The following VCPKMT variants were observed in gnomAD, a reference collection of about 807,000 sequenced individuals.
VCPKMT encodes the protein valosin containing protein lysine methyltransferase.
VCPKMT carries 32 observed loss-of-function variants against 28.6 expected under a neutral mutation model. The ratio of observed to expected loss-of-function variants is 1.12; its 90% CI spans 0.84 to 1.50. The LOEUF (loss-of-function observed/expected upper bound fraction) is 1.50, where lower values mean the gene tolerates loss of function less well. Among genes scored for constraint, VCPKMT ranks in the 40% most tolerant of loss-of-function variants. VCPKMT has a pLI of 0.00. For missense variants in VCPKMT, 366 were observed against 285.0 expected, an observed-to-expected ratio of 1.28 and a Z score of -2.05; for synonymous variants, 138 against 111.4, an observed-to-expected ratio of 1.24 and a Z score of -1.50.
chr14:50,106,512 T>C, downstream of VCPKMT: 1 of 978,402 alleles, frequency 1.0e-6, no homozygotes, highest in Non-Finnish European at 1.2e-6. Context: ...CTTCTAACCC[T>C]CAATTCATGC....
downstream of VCPKMT, among the ~76,000 whole-genome samples, chr14:50,104,273 AG>A (rs1882250773): frequency 6.6e-6 from 1 of 152,230 alleles, no homozygotes; most frequent in Admixed American, 6.5e-5. Flanking sequence ...CACAGTTGAT[AG>A]GGACTCACTA....
At chr14:50,111,592 G>C (rs769936927) in intron 5 of VCPKMT, 11 of 985,350 alleles carry the variant, frequency 1.1e-5, no homozygotes, top group Non-Finnish European at 1.3e-5. Context: ...AAAAATAGAT[G>C]AAAGGCCAGG....
chr14:50,106,373 G>A (rs139517189), downstream of VCPKMT, among the ~76,000 whole-genome samples: 2 of 152,346 alleles, frequency 1.3e-5, no homozygotes, highest in East Asian at 3.9e-4. Context: ...CACAGGCCAA[G>A]GCATTGGCAG....
chr14:50,106,524 T>C, downstream of VCPKMT: 5 of 983,636 alleles, frequency 5.1e-6, no homozygotes, highest in Non-Finnish European at 6.0e-6. Flanking sequence ...AATTCATGCA[T>C]CATTTCTCAG....
chr14:50,114,396 C>T lies in VCPKMT; in HGVS notation c.459G>A (p.Glu153=). ...TATCTTTTAGAGTTTTCAGCAATGG[C>T]TCCAAAGACTATTTAAAAAAGAATA... The part of the protein sequence containing the change: ...ADCIYYEESL[E]PLLKTLKDIS... Residue 153 remains glutamate, a synonymous_variant, in exon 4 of 6, where the codon GAG becomes GAA. Transcript: ENST00000395860. 1 of 1,527,174 alleles carries T rather than the reference C, an allele frequency of 6.5e-7. No individual in the cohort carries two copies. The highest frequency in any genetic ancestry group is 8.8e-7 in the Non-Finnish European group (1 of 1,141,550). The allele number at this position is 1,527,174 out of a possible 1,614,324, so 94.6% of individuals were successfully genotyped here.
At position 50,109,647 on chromosome 14, in the gene VCPKMT, C is replaced by T; in HGVS notation, c.*52G>A. 6.3e-7 allele frequency: 1 copy of T among 1,578,808 alleles called. No individual in the cohort carries two copies. The highest frequency in any genetic ancestry group is 8.6e-7 in the Non-Finnish European group (1 of 1,165,164). ...ATGCTGTATTCACATGCTCTATTCA[C>T]ATCTTTAGTTTACCCAGGTTGTTAG... On this transcript the variant is annotated 3_prime_UTR_variant, in exon 6 of 6. Transcript: ENST00000395860.
Position 50,112,737 on chromosome 14 carries a change from A to T in VCPKMT, c.571-18T>A. 1 of 1,503,336 alleles carries T rather than the reference A, an allele frequency of 6.7e-7. No homozygotes were observed. Among genetic ancestry groups the T allele is most frequent in the Non-Finnish European group, 9.0e-7 (1 of 1,105,474 alleles). 93.1% of individuals were successfully genotyped at this position (1,503,336 alleles called of 1,614,324 possible). A position where few individuals can be genotyped will look rare whatever the true frequency, so the allele number is the denominator to read the frequency against. ...TGAAGGAGCTATAAATTTAAAAGAGACATACTTCAAATTCAATAATATGAA... is the reference window on the plus strand; with the variant it reads ...TGAAGGAGCTATAAATTTAAAAGAGTCATACTTCAAATTCAATAATATGAA... On this transcript the variant is annotated intron_variant, in intron 4 of 5. Transcript: ENST00000395860.
At chr14:50,111,342 A>T (rs1204420029) in intron 5 of VCPKMT, 4 of 985,260 alleles carry the variant, frequency 4.1e-6, no homozygotes, top group Non-Finnish European at 4.8e-6. Context: ...CATAAATGTT[A>T]ATCTGAATAA....
intron 4 of VCPKMT, among the ~76,000 whole-genome samples, chr14:50,113,794 C>CA (rs1356359583): frequency 1.2e-4 from 1 of 8,342 alleles, no homozygotes; most frequent in East Asian, 5.0e-3. Flanking sequence ...TACTTGGGGG[C>CA]GGGGGGGGGG....
In VCPKMT at chr14:50,116,172, C is replaced by T. The variant is rs1883184180; in HGVS notation, c.274G>A (p.Val92Ile). The change falls in exon 2 of 6, where the codon GTT (valine) becomes ATT (isoleucine). Residue 92 changes from valine to isoleucine, a missense_variant. Transcript: ENST00000395860. Reference sequence around the variant, plus strand: ...AATTCCTCAAGATCGGTGACTACAACATCAGCCCTATAAAATAACGTCGAC... The same window carrying T: ...AATTCCTCAAGATCGGTGACTACAATATCAGCCCTATAAAATAACGTCGAC... ...GLMAATLGAD[V>I]VVTDLEELQD... 2.5e-6 allele frequency: 4 copies of T among 1,613,968 alleles called. No individual in the cohort carries two copies. Among genetic ancestry groups the T allele is most frequent in the South Asian group, 1.1e-5 (1 of 91,082 alleles).
intron 5 of VCPKMT, among the ~76,000 whole-genome samples, chr14:50,110,520 A>T (rs1435325545): frequency 6.6e-6 from 1 of 152,160 alleles, no homozygotes; most frequent in Non-Finnish European, 1.5e-5. Context: ...ACTATCTCAT[A>T]CCCAGTGAGA....
At chr14:50,111,824 G>T in intron 5 of VCPKMT, 1 of 837,608 alleles carries the variant, frequency 1.2e-6, no homozygotes, top group Non-Finnish European at 1.4e-6. Context: ...GCAAGGCAGA[G>T]GCTGCAGCAA....
intron 5 of VCPKMT, chr14:50,111,643 C>G: frequency 1.0e-6 from 1 of 983,462 alleles, no homozygotes; most frequent in Non-Finnish European, 1.2e-6. Context: ...TTTGGGAGGC[C>G]GAGGTGGGCA....
chr14:50,115,571 T>A (rs1442556129), intron 3 of VCPKMT, among the ~76,000 whole-genome samples: 2 of 152,214 alleles, frequency 1.3e-5, no homozygotes, highest in Non-Finnish European at 2.9e-5. Context: ...TTTCATAACA[T>A]CCAATTGGCA....
Position 50,116,086 on chromosome 14 carries a change from T to C in VCPKMT, c.360A>G (p.Gln120=), listed in dbSNP as rs1367789229. The change falls in exon 2 of 6, where the codon CAA becomes CAG. Residue 120 remains glutamine (Q), a synonymous_variant. Coordinates refer to ENST00000395860, the MANE Select transcript of VCPKMT (RefSeq NM_024558.3). ...MNKHLVTGSV[Q]AKVLKWGEEI... The stretch of plus-strand genomic sequence containing the variant: ...ATACAAACCATTTCAGTACCTTGGC[T>C]TGAACAGAACCAGTGACAAGATGCT... 6.2e-7 allele frequency: 1 copy of C among 1,613,192 alleles called. No individual in the cohort carries two copies. Among genetic ancestry groups the C allele is most frequent in the Non-Finnish European group, 8.5e-7 (1 of 1,179,502 alleles).
At chr14:50,112,800 T>C (rs1882792049) in intron 4 of VCPKMT, 81 bp from the exon 5 acceptor site, 4 of 861,038 alleles carry the variant, frequency 4.6e-6, no homozygotes, top group South Asian at 1.8e-5. Flanking sequence ...TGCTGGTTAC[T>C]TTTTTTTTGA....
intron 5 of VCPKMT, chr14:50,111,980 T>C: frequency 1.0e-6 from 1 of 985,376 alleles, no homozygotes; most frequent in Non-Finnish European, 1.2e-6. Flanking sequence ...AATGTGATTG[T>C]TATACAGGGT....
chr14:50,116,283 T>C lies in VCPKMT; in HGVS notation c.266+4A>G, dbSNP rs749707726. 4 of 1,601,290 alleles carry C rather than the reference T, an allele frequency of 2.5e-6. No homozygotes were observed. Among genetic ancestry groups the C allele is most frequent in the South Asian group, 2.2e-5 (2 of 90,356 alleles). On this transcript the variant is annotated splice_donor_region_variant and intron_variant, in intron 1 of 5. Transcript: ENST00000395860. ...CCACATCCCGCCCGCCCGCCAGCTC[T>C]TACCCGAGGGTAGCAGCCATGAGCC...
At chr14:50,116,236 T>C (rs1282904970) in intron 1 of VCPKMT, 51 bp downstream of exon 1, 25 of 1,611,666 alleles carry the variant, frequency 1.6e-5, no homozygotes, top group Non-Finnish European at 2.1e-5. Flanking sequence ...GTAATCCGGA[T>C]TTCCCCAGCA....
Sources: allele counts gnomAD v4.1 joint callset (sites outside exome capture counted in the v4.1 genomes callset), GRCh38; gene constraint gnomAD v4.1.1; transcripts MANE v1.5; gene names NCBI Gene and HGNC (gene_info 2026-07-23, HGNC 2026-07-21).